Variants in GCKR observed in about 807,000 individuals in gnomAD.
GCKR encodes glucokinase regulatory protein.
In GCKR, 73 loss-of-function variants were observed where a neutral mutation model predicts 82.9. The ratio of observed to expected loss-of-function variants is 0.88; its 90% CI spans 0.73 to 1.07. The LOEUF (loss-of-function observed/expected upper bound fraction) is 1.07, where lower values mean the gene tolerates loss of function less well. Among genes scored for constraint, GCKR ranks in the 50% least tolerant of loss-of-function variants. The probability of loss-of-function intolerance (pLI) is 0.00; values close to 1 mark genes in which losing one functional copy is unlikely to be tolerated. For missense variants in GCKR, 784 were observed against 782.1 expected, an observed-to-expected ratio of 1.00 and a Z score of -0.03; for synonymous variants, 294 against 291.8, an observed-to-expected ratio of 1.01 and a Z score of -0.08.
At chr2:27,500,782 C>G (rs1463057513) in intron 7 of GCKR, among the ~76,000 whole-genome samples, 1 of 152,204 alleles carries the variant, frequency 6.6e-6, no homozygotes, top group East Asian at 1.9e-4. Flanking sequence ...TTCTGCAGCT[C>G]TCTGGCTCTA....
chr2:27,501,238 T>C lies in GCKR; in HGVS notation c.644+9T>C. On this transcript the variant is annotated intron_variant, in intron 8 of 18. Coordinates refer to ENST00000264717, the MANE Select transcript of GCKR (RefSeq NM_001486.4). ...CCAGTGAGCATGGCCAGGTGAGCCT[T>C]CTGGAATGACTGGGCAGCCCTGGGG... 1 of 1,590,832 alleles carries C rather than the reference T, an allele frequency of 6.3e-7. No individual in the cohort carries two copies. The highest frequency in any genetic ancestry group is 8.6e-7 in the Non-Finnish European group (1 of 1,158,700).
At position 27,497,227 on chromosome 2, in the gene GCKR, T is replaced by C; in HGVS notation, c.61-17T>C. ...GCTTTGGCTTCCTGCTCCATCCTTG[T>C]CCCCTCTTCCTTCTAGTTGTCTGGG... On this transcript the variant is annotated splice_polypyrimidine_tract_variant and intron_variant, in intron 1 of 18. Coordinates refer to ENST00000264717, the MANE Select transcript of GCKR (RefSeq NM_001486.4). 1 of 1,614,122 alleles carries C rather than the reference T, an allele frequency of 6.2e-7. No homozygotes were observed. Among genetic ancestry groups the C allele is most frequent in the South Asian group, 1.1e-5 (1 of 91,086 alleles).
intron 16 of GCKR, among the ~76,000 whole-genome samples, chr2:27,517,216 G>A (rs1670031346): frequency 6.6e-6 from 1 of 152,046 alleles, no homozygotes; most frequent in African/African-American, 2.4e-5. Context: ...GTTTCACCAT[G>A]TTAGCCAGGA....
chr2:27,497,450 C>G, intron 2 of GCKR, 51 bp downstream of exon 2: 1 of 1,603,512 alleles, frequency 6.2e-7, no homozygotes, highest in Non-Finnish European at 8.5e-7. Flanking sequence ...CCAACCCCAA[C>G]CCCACCTCTG....
intron 7 of GCKR, 98 bp from the exon 8 acceptor site, chr2:27,501,037 T>G (rs1669560167): frequency 4.5e-6 from 4 of 892,934 alleles, no homozygotes; most frequent in Non-Finnish European, 7.7e-6. Context: ...AATCTGCATT[T>G]TGAACAAGCA....
intron 9 of GCKR, among the ~76,000 whole-genome samples, chr2:27,504,663 A>G (rs1262300654): frequency 1.3e-5 from 2 of 151,776 alleles, no homozygotes; most frequent in African/African-American, 4.8e-5. Flanking sequence ...CACTACTGTT[A>G]TCATTCTGTT....
rs201788249 is a variant in GCKR at position 27,518,939 on chromosome 2, T to C, written c.1572+2T>C. On this transcript the variant is annotated splice_donor_variant, in intron 17 of 18. Coordinates refer to ENST00000264717, the MANE Select transcript of GCKR (RefSeq NM_001486.4). LOFTEE classifies it high-confidence loss of function. ...TGGCGGGCGCTGGCCATGCTGCAGG[T>C]AGGGATATGATGGGGCAGGGTTGGG... 9 of 1,608,734 alleles carry C rather than the reference T, an allele frequency of 5.6e-6. No homozygotes were observed. The highest frequency in any genetic ancestry group is 1.1e-5 in the South Asian group (1 of 90,944).
At chr2:27,497,127 T>C (rs1311303822) in intron 1 of GCKR, 117 bp from the exon 2 acceptor site, 7 of 1,255,402 alleles carry the variant, frequency 5.6e-6, no homozygotes, top group African/African-American at 1.5e-5. Context: ...TGGTGTGGTA[T>C]GTGTGTGCGT....
intron 17 of GCKR, among the ~76,000 whole-genome samples, chr2:27,520,852 A>G (rs1400080986): frequency 6.6e-6 from 1 of 152,018 alleles, no homozygotes; most frequent in African/African-American, 2.4e-5. Context: ...CCTGGCCAAC[A>G]TGGTGAAACC....
At chr2:27,506,983 C>G (rs1469541586) in intron 12 of GCKR, 98 bp downstream of exon 12, 7 of 845,026 alleles carry the variant, frequency 8.3e-6, no homozygotes, top group Non-Finnish European at 1.5e-5. Flanking sequence ...ATGGGTGTTC[C>G]TCAGTGTCCC....
At chr2:27,501,006 T>C in intron 7 of GCKR, 129 bp from the exon 8 acceptor site, 1 of 800,074 alleles carries the variant, frequency 1.2e-6, no homozygotes, top group Non-Finnish European at 2.3e-6. Flanking sequence ...TTGGATCCAG[T>C]AGATTGTAAC....
At chr2:27,507,351 C>T (rs1185752647) in intron 13 of GCKR, 40 bp downstream of exon 13, 2 of 1,274,678 alleles carry the variant, frequency 1.6e-6, no homozygotes, top group Admixed American at 1.7e-5. Context: ...GGGGAGACCA[C>T]TAGTGTGCTG....
chr2:27,521,761 C>T (rs181132436), intron 17 of GCKR, among the ~76,000 whole-genome samples: 3 of 152,012 alleles, frequency 2.0e-5, no homozygotes, highest in Admixed American at 1.3e-4. Flanking sequence ...CGCTGTTACC[C>T]AGGCTGGAGG....
Position 27,497,811 on chromosome 2 carries a change from T to C in GCKR, c.285+181T>C, listed in dbSNP as rs1322769900. 2.6e-5 allele frequency among the ~76,000 whole-genome samples: 4 copies of C among 152,260 alleles called. No homozygotes were observed. The East Asian group carries it at 7.7e-4, about 29-fold the overall frequency. The stretch of plus-strand genomic sequence containing the variant: ...TAATGATAACTTCTCTGCTTAATAC[T>C]TTATAATTGACAATCTACTTTCACA... On this transcript the variant is annotated intron_variant, in intron 3 of 18. Transcript: ENST00000264717.
intron 16 of GCKR, among the ~76,000 whole-genome samples, chr2:27,512,568 C>T (rs1005073150): frequency 4.0e-5 from 6 of 151,680 alleles, no homozygotes; most frequent in African/African-American, 1.5e-4. Context: ...ATTGGAGATG[C>T]CTGATATGTT....
At chr2:27,519,203 G>GA in intron 17 of GCKR, among the ~76,000 whole-genome samples, 1 of 152,308 alleles carries the variant, frequency 6.6e-6, no homozygotes, top group African/African-American at 2.4e-5. Flanking sequence ...GCTAAACAAA[G>GA]AAAATGGTGG....
intron 17 of GCKR, among the ~76,000 whole-genome samples, chr2:27,521,267 G>A (rs1415889387): frequency 1.3e-5 from 2 of 151,982 alleles, no homozygotes; most frequent in Admixed American, 6.6e-5. Flanking sequence ...GCTTACACCT[G>A]TAATCCCAGC....
chr2:27,497,482 A>T, intron 2 of GCKR, 80 bp from the exon 3 acceptor site: 1 of 1,579,588 alleles, frequency 6.3e-7, no homozygotes, highest in Non-Finnish European at 8.7e-7. Flanking sequence ...CATGGCTCCT[A>T]ATATCGGAAA....
rs768939929 is a variant in GCKR, at chr2:27,498,723, G to A, written c.355-1G>A. The A allele has an allele frequency of 6.3e-7, 1 of 1,581,624 alleles. No individual in the cohort carries two copies. The highest frequency in any genetic ancestry group is 1.3e-5 in the African/African-American group (1 of 74,378). On this transcript the variant is annotated splice_acceptor_variant, in intron 4 of 18. Coordinates refer to ENST00000264717, the MANE Select transcript of GCKR (RefSeq NM_001486.4). LOFTEE classifies it high-confidence loss of function. The stretch of plus-strand genomic sequence containing the variant: ...CTTTACATCCTCTCCCTGCTTGACA[G>A]GTGTCCTTTAATCAGCTGATGAAAG...
Sources: allele counts gnomAD v4.1 joint callset (sites outside exome capture counted in the v4.1 genomes callset), GRCh38; gene constraint gnomAD v4.1.1; transcripts MANE v1.5; gene names NCBI Gene and HGNC (gene_info 2026-07-23, HGNC 2026-07-21).